GRM5: variants seen among roughly 807,000 people sequenced by gnomAD.
The protein encoded by GRM5 is metabotropic glutamate receptor 5.
In GRM5, 19 loss-of-function variants were observed where a neutral mutation model predicts 83.1. That is an observed-to-expected ratio of 0.23 (90% confidence interval 0.16 to 0.34). The LOEUF is 0.34. Ranked by LOEUF, GRM5 falls within the 10% of genes least tolerant of loss-of-function variation. The pLI is 1.00. For synonymous variants in GRM5, 675 were observed against 633.6 expected, an observed-to-expected ratio of 1.07 and a Z score of -0.98; for missense variants, 1,160 against 1,588.3, an observed-to-expected ratio of 0.73 and a Z score of 4.58.
intron 3 of GRM5, among the ~76,000 whole-genome samples, chr11:88,786,832 A>C (rs923931883): frequency 6.6e-6 from 1 of 152,104 alleles, no homozygotes; most frequent in African/African-American, 2.4e-5. Context: ...TCATGAAGAC[A>C]GGGGCTTCTG....
At chr11:88,931,334 C>T (rs1312188820) in intron 2 of GRM5, among the ~76,000 whole-genome samples, 2 of 151,852 alleles carry the variant, frequency 1.3e-5, no homozygotes, top group East Asian at 1.9e-4. Flanking sequence ...ATATATACCA[C>T]TTTAAGGAAT....
At chr11:88,901,470 C>T (rs1309490929) in intron 2 of GRM5, among the ~76,000 whole-genome samples, 1 of 152,112 alleles carries the variant, frequency 6.6e-6, no homozygotes, top group African/African-American at 2.4e-5. Flanking sequence ...CTTAGACATT[C>T]CCTGAAGTCG....
chr11:88,957,301 G>T (rs1369560203), intron 2 of GRM5, among the ~76,000 whole-genome samples: 1 of 152,218 alleles, frequency 6.6e-6, no homozygotes, highest in African/African-American at 2.4e-5. Context: ...GGATGGAGAA[G>T]AGACTAAAGA....
intron 3 of GRM5, among the ~76,000 whole-genome samples, chr11:88,731,551 A>G (rs963786125): frequency 1.8e-4 from 28 of 152,042 alleles, no homozygotes; most frequent in African/African-American, 6.5e-4. Context: ...GCCAAGTTCA[A>G]CCAACATCAC....
At chr11:88,714,683 T>C (rs1179891395) in intron 3 of GRM5, among the ~76,000 whole-genome samples, 2 of 151,878 alleles carry the variant, frequency 1.3e-5, no homozygotes, top group Non-Finnish European at 2.9e-5. Context: ...TTAAACACAC[T>C]TGTGAAGGAG....
intron 2 of GRM5, among the ~76,000 whole-genome samples, chr11:88,867,138 G>T (rs1350968332): frequency 1.3e-5 from 2 of 151,656 alleles, no homozygotes; most frequent in South Asian, 4.1e-4. Flanking sequence ...GTCAGGTGGC[G>T]TGATGCCTCC....
rs1348553947 is a variant in GRM5 at position 88,509,260 on chromosome 11, C to T, written c.2971G>A (p.Glu991Lys). The change falls in exon 10 of 10, where the codon GAG (glutamate) becomes AAG (lysine). Residue 991 changes from glutamate to lysine, a missense_variant. Physicochemically the swap from Glu to Lys is moderately conservative, Grantham distance 56. This residue lies in a region of GRM5 where 562 missense variants were observed against 532.4 expected (regional missense o/e 1.06). Coordinates refer to ENST00000305447, the MANE Select transcript of GRM5 (RefSeq NM_001143831.3). Reference protein sequence around the residue: ...GCAGAGPGGPESPDAGPKALY... With the variant: ...GCAGAGPGGPKSPDAGPKALY... ...GCCTTGGGGCCGGCGTCTGGGGACT[C>T]GGGCCCGCCTGGGCCGGCGCCTGCG... The T allele has an allele frequency of 6.7e-7, 1 of 1,485,260 alleles. No homozygotes were observed. Among genetic ancestry groups the T allele is most frequent in the Non-Finnish European group, 8.9e-7 (1 of 1,121,348 alleles). 92.0% of individuals were successfully genotyped at this position (1,485,260 alleles called of 1,614,324 possible).
chr11:88,856,246 C>A (rs546019820), intron 2 of GRM5, among the ~76,000 whole-genome samples: 3 of 152,220 alleles, frequency 2.0e-5, no homozygotes, highest in East Asian at 1.9e-4. Flanking sequence ...GTAAAATTTT[C>A]TTTCCTTATG....
At chr11:88,942,558 GT>G (rs1326535926) in intron 2 of GRM5, among the ~76,000 whole-genome samples, 1 of 151,820 alleles carries the variant, frequency 6.6e-6, no homozygotes, top group Non-Finnish European at 1.5e-5. Context: ...GCCCTCAAAG[GT>G]TTTCCTAAAA....
chr11:89,054,723 G>C (rs947180726), intron 1 of GRM5, among the ~76,000 whole-genome samples: 1 of 152,128 alleles, frequency 6.6e-6, no homozygotes, highest in African/African-American at 2.4e-5. Context: ...AGTGAGGAGA[G>C]AGAAGCAGTA....
At chr11:88,820,489 G>T (rs1369746437) in intron 3 of GRM5, among the ~76,000 whole-genome samples, 1 of 151,364 alleles carries the variant, frequency 6.6e-6, no homozygotes, top group Non-Finnish European at 1.5e-5. Context: ...TCACTGGTTT[G>T]CTGGTCTTTG....
At chr11:88,584,146 G>C (rs550880981) in intron 7 of GRM5, among the ~76,000 whole-genome samples, 13 of 150,578 alleles carry the variant, frequency 8.6e-5, no homozygotes, top group South Asian at 2.1e-4. Context: ...AAAGTATATG[G>C]TATGGAACAA....
At chr11:88,775,806 A>C (rs557220344) in intron 3 of GRM5, among the ~76,000 whole-genome samples, 2 of 152,258 alleles carry the variant, frequency 1.3e-5, no homozygotes, top group East Asian at 1.9e-4. Context: ...TCTGAGAGAC[A>C]GTTTGTTGTG....
At chr11:88,778,523 C>T (rs1329736556) in intron 3 of GRM5, among the ~76,000 whole-genome samples, 4 of 152,062 alleles carry the variant, frequency 2.6e-5, no homozygotes, top group Non-Finnish European at 5.9e-5. Flanking sequence ...AGAAATCACC[C>T]GTCTTCTGCA....
intron 4 of GRM5, among the ~76,000 whole-genome samples, chr11:88,639,880 G>A (rs1213774731): frequency 4.6e-5 from 7 of 152,152 alleles, no homozygotes; most frequent in African/African-American, 1.7e-4. Context: ...TTAAATTAAG[G>A]GCTTTCTTCT....
In GRM5 at chr11:88,611,968, TTA is replaced by T. The variant is rs566512214; in HGVS notation, c.1148-7006_1148-7005del. 4.1e-3 allele frequency among the ~76,000 whole-genome samples: 614 copies of T among 151,514 alleles called. 3 individuals carry two copies. The highest frequency in any genetic ancestry group is 0.014 in the African/African-American group (592 of 41,158). ...AAGAATTTATTTATTTATTTATTTA[TTA>T]TTTTTTTTTATTATACTTTAAGTTT... On this transcript the variant is annotated intron_variant, in intron 4 of 9. Transcript: ENST00000305447.
At chr11:88,713,850 C>T (rs1490220481) in intron 3 of GRM5, among the ~76,000 whole-genome samples, 1 of 151,652 alleles carries the variant, frequency 6.6e-6, no homozygotes, top group Non-Finnish European at 1.5e-5. Context: ...TAGGAATTTC[C>T]CAAAATTTTG....
chr11:88,928,484 GTATATATGTA>G (rs1409349439), intron 2 of GRM5, among the ~76,000 whole-genome samples: 2 of 98,476 alleles, frequency 2.0e-5, no homozygotes, highest in Non-Finnish European at 4.7e-5. Flanking sequence ...ATATATATAT[GTATATATGTA>G]TATATATATA....
chr11:88,852,117 C>T (rs1467143242), intron 2 of GRM5, among the ~76,000 whole-genome samples: 5 of 152,160 alleles, frequency 3.3e-5, no homozygotes, highest in Non-Finnish European at 2.9e-5. Context: ...GAGAATTTCA[C>T]ATCATTTATT....
Sources: gnomAD v4.1 joint callset for allele counts (sites outside exome capture counted in the v4.1 genomes callset) on GRCh38, gnomAD v4.1.1 for gene constraint, gnomAD v4.1.1 regional missense constraint, MANE v1.5 for transcripts, NCBI Gene and HGNC (gene_info 2026-07-23, HGNC 2026-07-21) for gene names.